Variants in PCGF3 observed in about 807,000 individuals in gnomAD.
PCGF3 encodes the protein polycomb group RING finger protein 3.
A neutral mutation model predicts 33.1 loss-of-function variants in PCGF3; 7 were observed. The observed-to-expected ratio is 0.21, with a 90% CI of 0.12 to 0.40. PCGF3 has a LOEUF of 0.40. Ranked by LOEUF, PCGF3 falls within the 10% of genes least tolerant of loss-of-function variation. PCGF3 has a pLI of 1.00. For missense variants in PCGF3, 211 were observed against 313.3 expected (o/e 0.67, Z 2.46); for synonymous variants, 153 against 121.3 (o/e 1.26, Z -1.72).
At chr4:715,739 G>A (rs1271144703) in intron 1 of PCGF3, among the ~76,000 whole-genome samples, 10 of 75,728 alleles carry the variant, frequency 1.3e-4, no homozygotes, top group East Asian at 5.1e-4. Flanking sequence ...ACTGGGTGTC[G>A]GTGCTGGGAC....
intron 1 of PCGF3, among the ~76,000 whole-genome samples, chr4:715,073 CTG>C (rs558483951): frequency 1.4e-5 from 2 of 145,230 alleles, no homozygotes; most frequent in East Asian, 4.2e-4. Context: ...AGTGTGAGAA[CTG>C]GGCGTCGGTG....
intron 1 of PCGF3, among the ~76,000 whole-genome samples, chr4:728,472 G>T (rs565449418): frequency 1.3e-5 from 2 of 152,110 alleles, no homozygotes; most frequent in South Asian, 4.2e-4. Context: ...TGGGGATGGC[G>T]TAGAGCGCGT....
chr4:753,470 C>T (rs1206883134), intron 8 of PCGF3, among the ~76,000 whole-genome samples: 1 of 152,036 alleles, frequency 6.6e-6, no homozygotes, highest in Non-Finnish European at 1.5e-5. Context: ...CTGGCTAGCA[C>T]AGTGAAACCC....
At chr4:719,436 C>T (rs903654042) in intron 1 of PCGF3, among the ~76,000 whole-genome samples, 4 of 152,212 alleles carry the variant, frequency 2.6e-5, no homozygotes, top group South Asian at 2.1e-4. Context: ...TCTCACCAGG[C>T]GCAGCTCAGG....
intron 10 of PCGF3, 36 bp from the exon 11 acceptor site, chr4:765,995 CT>C (rs772987906): frequency 6.2e-7 from 1 of 1,607,962 alleles, no homozygotes; most frequent in Non-Finnish European, 8.5e-7. Context: ...GCCTCCACCC[CT>C]GCTAAGCAGG....
intron 8 of PCGF3, among the ~76,000 whole-genome samples, chr4:754,737 A>G (rs373475943): frequency 1.3e-5 from 2 of 152,178 alleles, no homozygotes; most frequent in South Asian, 4.1e-4. Flanking sequence ...TGTGGGATGC[A>G]GCCTGGCGTG....
chr4:753,592 G>A (rs375131285), intron 8 of PCGF3, among the ~76,000 whole-genome samples: 50 of 151,410 alleles, frequency 3.3e-4, no homozygotes, highest in African/African-American at 1.1e-3. Context: ...GCAGTGAGCC[G>A]AGATCACGCC....
chr4:743,178 G>A (rs180679536), intron 6 of PCGF3, among the ~76,000 whole-genome samples: 5 of 152,220 alleles, frequency 3.3e-5, no homozygotes, highest in Non-Finnish European at 5.9e-5. Flanking sequence ...CAGTGGCTGA[G>A]GTGGGGATGA....
intron 4 of PCGF3, chr4:734,121 T>C (rs1743736052): frequency 1.9e-6 from 3 of 1,550,404 alleles, no homozygotes; most frequent in Non-Finnish European, 2.6e-6. Context: ...GTTCCTTAGA[T>C]CCTTCAAAGG....
chr4:769,384 A>T (rs1171979688), exon 11 of PCGF3: 1 of 152,738 alleles, frequency 6.5e-6, no homozygotes, highest in African/African-American at 2.4e-5. Context: ...ATGTGCTCTC[A>T]AAACATGGAA....
At chr4:766,758 C>A (rs971027243) in exon 11 of PCGF3, 23 of 152,350 alleles carry the variant, frequency 1.5e-4, no homozygotes, top group African/African-American at 5.5e-4. Flanking sequence ...GGCTGACACA[C>A]CCAGCCCTGG....
chr4:724,793 G>A (rs1743257988), intron 1 of PCGF3, among the ~76,000 whole-genome samples: 3 of 151,394 alleles, frequency 2.0e-5, no homozygotes, highest in Non-Finnish European at 2.9e-5. Flanking sequence ...GCGAGATTCC[G>A]TCTCACACAC....
intron 1 of PCGF3, among the ~76,000 whole-genome samples, chr4:727,551 T>G (rs73221117): frequency 0.032 from 4,831 of 152,276 alleles, 134 homozygotes; most frequent in South Asian, 0.089. Flanking sequence ...AGTTTTGTTT[T>G]TTTTAAATCA....
At chr4:753,225 C>A (rs950182731) in intron 8 of PCGF3, among the ~76,000 whole-genome samples, 1 of 152,220 alleles carries the variant, frequency 6.6e-6, no homozygotes, top group East Asian at 1.9e-4. Context: ...ACTTTCTTGC[C>A]TAGGCTGGAG....
intron 1 of PCGF3, among the ~76,000 whole-genome samples, chr4:730,130 C>A (rs1743490976): frequency 6.6e-6 from 1 of 152,160 alleles, no homozygotes; most frequent in African/African-American, 2.4e-5. Flanking sequence ...CGCCGGGGCC[C>A]TTGGTGCACG....
intron 4 of PCGF3, chr4:734,259 G>C (rs947960835): frequency 1.4e-6 from 2 of 1,474,598 alleles, no homozygotes; most frequent in Non-Finnish European, 1.8e-6. Flanking sequence ...TACCGCTGAC[G>C]GGCAGGTGCC....
rs1210133183 is a variant in PCGF3, at chr4:743,468, C to T, written c.263-6C>T. Reference sequence around the variant, plus strand: ...AGATGAAAGACTGTGTGTTGATTTTCCGCAGCGGAAATGAGAAAGCAGAGG... The same window carrying T: ...AGATGAAAGACTGTGTGTTGATTTTTCGCAGCGGAAATGAGAAAGCAGAGG... On this transcript the variant is annotated splice_polypyrimidine_tract_variant and splice_region_variant and intron_variant, in intron 6 of 10. Transcript: ENST00000362003. The T allele has an allele frequency of 2.5e-6, 4 of 1,580,222 alleles. No individual in the cohort carries two copies. Among genetic ancestry groups the T allele is most frequent in the Non-Finnish European group, 3.5e-6 (4 of 1,149,458 alleles).
At chr4:743,719 G>A in intron 7 of PCGF3, 135 bp downstream of exon 7, 1 of 615,676 alleles carries the variant, frequency 1.6e-6, no homozygotes, top group Non-Finnish European at 2.9e-6. Context: ...AGGGTGTGGG[G>A]CGGTTAGGGT....
At chr4:722,706 CTGGGTCCACACTCGCGTCAT>C (rs1743148083) in intron 1 of PCGF3, among the ~76,000 whole-genome samples, 1 of 113,310 alleles carries the variant, frequency 8.8e-6, no homozygotes, top group African/African-American at 3.7e-5. Flanking sequence ...CCTGTCTGCG[CTGGGTCCACACTCGCGTCAT>C]CGCCCACCCA....
Sources: gnomAD v4.1 joint callset for allele counts (sites outside exome capture counted in the v4.1 genomes callset) on GRCh38, gnomAD v4.1.1 for gene constraint, MANE v1.5 for transcripts, NCBI Gene and HGNC (gene_info 2026-07-23, HGNC 2026-07-21) for gene names.